The following FOXP2 variants were observed in gnomAD, a reference collection of about 807,000 sequenced individuals.
FOXP2 encodes the protein forkhead box protein P2.
Under a neutral mutation model 115.8 loss-of-function variants are expected in FOXP2, and 12 were observed. The ratio of observed to expected loss-of-function variants is 0.10; its 90% CI spans 0.07 to 0.17. FOXP2 has a LOEUF of 0.17. Among genes scored for constraint, FOXP2 ranks in the 10% least tolerant of loss-of-function variants. The probability of loss-of-function intolerance (pLI) is 1.00; values close to 1 mark genes in which losing one functional copy is unlikely to be tolerated. For missense variants in FOXP2, 629 were observed against 843.5 expected, an observed-to-expected ratio of 0.75 and a Z score of 3.15; for synonymous variants, 328 against 297.7, an observed-to-expected ratio of 1.10 and a Z score of -1.05.
intron 3 of FOXP2, among the ~76,000 whole-genome samples, chr7:114,594,436 A>G (rs1276278872): frequency 1.3e-5 from 2 of 152,064 alleles, no homozygotes; most frequent in African/African-American, 4.8e-5. Context: ...TGTTTCAGCC[A>G]TGCTTAGCAA....
At chr7:114,489,900 G>A (rs1439322211) in intron 2 of FOXP2, among the ~76,000 whole-genome samples, 1 of 152,098 alleles carries the variant, frequency 6.6e-6, no homozygotes, top group Non-Finnish European at 1.5e-5. Flanking sequence ...TCTACTATCA[G>A]AATGGCCCAA....
chr7:114,664,242 A>G (rs765439473), intron 15 of FOXP2, 31 bp from the exon 16 acceptor site: 1 of 1,610,706 alleles, frequency 6.2e-7, no homozygotes. Context: ...GCCATTTTGA[A>G]AGTTGTTTTA....
In FOXP2 at chr7:114,222,755, G is replaced by A. The variant is rs574175686; in HGVS notation, c.-102+59667G>A. Among the ~76,000 whole-genome samples, 6 of 152,286 alleles carry A rather than the reference G, an allele frequency of 3.9e-5. No homozygotes were observed. In the South Asian group the frequency reaches 6.2e-4, roughly 16 times the overall value. ...AGGATGGGGTAGCTTTTAAAGAAGG[G>A]ACAGTTGTGTTGAATTTTGAAGGAC... On this transcript the variant is annotated intron_variant, in intron 1 of 17. Coordinates refer to the FOXP2 transcript ENST00000634411.
intron 2 of FOXP2, among the ~76,000 whole-genome samples, chr7:114,476,971 A>C (rs949694638): frequency 6.6e-6 from 1 of 152,078 alleles, no homozygotes; most frequent in African/African-American, 2.4e-5. Context: ...TACACCAGGC[A>C]GAATGGCAAT....
chr7:114,269,882 T>C (rs1030459857), intron 1 of FOXP2, among the ~76,000 whole-genome samples: 52 of 152,196 alleles, frequency 3.4e-4, no homozygotes, highest in African/African-American at 1.2e-3. Flanking sequence ...TAATGACCTC[T>C]CCATCATTGA....
At chr7:114,198,039 A>G (rs1230034993) in intron 1 of FOXP2, among the ~76,000 whole-genome samples, 2 of 151,758 alleles carry the variant, frequency 1.3e-5, no homozygotes, top group East Asian at 3.9e-4. Flanking sequence ...TAATTTTTGT[A>G]TTTTTGGTAG....
At chr7:114,488,602 T>G (rs1210299210) in intron 2 of FOXP2, among the ~76,000 whole-genome samples, 1 of 152,126 alleles carries the variant, frequency 6.6e-6, no homozygotes, top group African/African-American at 2.4e-5. Context: ...TTTTACAACA[T>G]ATATGTCAGT....
At chr7:114,649,263 G>T (rs984755245) in intron 8 of FOXP2, among the ~76,000 whole-genome samples, 4 of 152,022 alleles carry the variant, frequency 2.6e-5, no homozygotes, top group Non-Finnish European at 5.9e-5. Context: ...TCCTTTTGAA[G>T]CAGCCGTAAT....
At chr7:114,441,830 A>C (rs1425746226) in intron 2 of FOXP2, among the ~76,000 whole-genome samples, 1 of 152,222 alleles carries the variant, frequency 6.6e-6, no homozygotes, top group Non-Finnish European at 1.5e-5. Context: ...ACTTACAAGA[A>C]TAGCTACAGT....
chr7:114,405,148 G>A lies in FOXP2; in HGVS notation c.-10-21354G>A, dbSNP rs1343280418. On this transcript the variant is annotated intron_variant, in intron 2 of 17. Coordinates refer to the FOXP2 transcript ENST00000634411. ...GTGGTAGAATATAAATTGTTTACTG[G>A]TGTTACTATATGATAGTTTCCCTTA... 2.6e-5 allele frequency among the ~76,000 whole-genome samples: 4 copies of A among 151,964 alleles called. No homozygotes were observed. The East Asian group carries it at 7.7e-4, about 29-fold the overall frequency.
At chr7:114,099,218 G>A (rs563432182) in intron 1 of FOXP2, among the ~76,000 whole-genome samples, 3 of 152,124 alleles carry the variant, frequency 2.0e-5, no homozygotes, top group Admixed American at 6.5e-5. Context: ...AACAAGACCC[G>A]AATAGACATT....
Position 114,273,391 on chromosome 7 carries a change from G to A in FOXP2, c.-101-14628G>A, listed in dbSNP as rs370996337. ...TCTATCTTGGTGAGTGTTCCCATGT[G>A]AGCTTGAGAAGAATGAGTATTCTGC... On this transcript the variant is annotated intron_variant, in intron 1 of 17. Transcript: ENST00000634411. Among the ~76,000 whole-genome samples the A allele has an allele frequency of 2.5e-4, 38 of 152,086 alleles. No homozygotes were observed. The South Asian group carries it at 5.6e-3, about 22-fold the overall frequency.
At chr7:114,338,034 T>C (rs1797902459) in intron 2 of FOXP2, among the ~76,000 whole-genome samples, 2 of 151,226 alleles carry the variant, frequency 1.3e-5, no homozygotes, top group South Asian at 4.1e-4. Flanking sequence ...AATTGGAATA[T>C]GTAGAGGCCT....
chr7:114,361,821 AT>A (rs1044394852), intron 2 of FOXP2, among the ~76,000 whole-genome samples: 2 of 152,026 alleles, frequency 1.3e-5, no homozygotes, highest in African/African-American at 2.4e-5. Flanking sequence ...TATGGAATGC[AT>A]TTTTTCCCCT....
intron 1 of FOXP2, among the ~76,000 whole-genome samples, chr7:114,139,075 G>A (rs1792130693): frequency 6.6e-6 from 1 of 151,952 alleles, no homozygotes; most frequent in Admixed American, 6.6e-5. Context: ...CAGGGGGCAG[G>A]GACTTATGAT....
At chr7:114,324,334 C>G (rs548431458) in intron 2 of FOXP2, among the ~76,000 whole-genome samples, 47 of 151,944 alleles carry the variant, frequency 3.1e-4, no homozygotes, top group Admixed American at 1.0e-3. Context: ...ATTTTAAAAA[C>G]TTACATTTAA....
At chr7:114,351,670 T>C (rs904668976) in intron 2 of FOXP2, among the ~76,000 whole-genome samples, 5 of 152,104 alleles carry the variant, frequency 3.3e-5, no homozygotes, top group African/African-American at 1.2e-4. Context: ...AAAACAGAAA[T>C]TATATTCTAT....
chr7:114,229,854 A>C (rs555945901), intron 1 of FOXP2, among the ~76,000 whole-genome samples: 1 of 151,724 alleles, frequency 6.6e-6, no homozygotes, highest in Non-Finnish European at 1.5e-5. Flanking sequence ...AAGAAGAAAA[A>C]ATAAGCCAAT....
chr7:114,445,558 CT>C (rs1794797821), intron 2 of FOXP2, among the ~76,000 whole-genome samples: 3 of 152,140 alleles, frequency 2.0e-5, no homozygotes, highest in Admixed American at 1.3e-4. Context: ...TGAAACTGTG[CT>C]TCATATCCTA....
Sources: allele counts gnomAD v4.1 joint callset (sites outside exome capture counted in the v4.1 genomes callset), GRCh38; gene constraint gnomAD v4.1.1; transcripts MANE v1.5; gene names NCBI Gene and HGNC (gene_info 2026-07-23, HGNC 2026-07-21).